The following ZNF614 variants were observed in gnomAD, a reference collection of about 807,000 sequenced individuals.
ZNF614 encodes the protein zinc finger protein 614.
ZNF614 carries 11 observed loss-of-function variants against 12.8 expected under a neutral mutation model. That is an observed-to-expected ratio of 0.86 (90% CI 0.54 to 1.43). The LOEUF is 1.43. ZNF614 is among the 40% of genes most tolerant of loss of function. ZNF614 has a pLI of 0.00. For missense variants in ZNF614, 664 were observed against 708.8 expected (o/e 0.94, Z 0.72); for synonymous variants, 237 against 237.5 (o/e 1.00, Z 0.02).
intron 3 of ZNF614, 109 bp from the exon 4 acceptor site, chr19:52,018,212 TC>T: frequency 1.4e-6 from 2 of 1,456,000 alleles, no homozygotes; most frequent in Non-Finnish European, 1.9e-6. Context: ...AAGCATTCTG[TC>T]TTAGAAGAGA....
intron 2 of ZNF614, among the ~76,000 whole-genome samples, chr19:52,023,148 C>A (rs1600038699): frequency 6.8e-6 from 1 of 146,444 alleles, no homozygotes. Flanking sequence ...GACTCTGTCT[C>A]AAAACAATAA....
In ZNF614 at chr19:52,016,614, G is replaced by T; in HGVS notation, c.984C>A (p.Ser328Arg). 1 of 1,614,166 alleles carries T rather than the reference G, an allele frequency of 6.2e-7. No individual in the cohort carries two copies. The highest frequency in any genetic ancestry group is 1.3e-5 in the African/African-American group (1 of 75,032). Residue 328 changes from serine to arginine, a missense_variant, in exon 5 of 5, where the codon AGC becomes AGA. Transcript: ENST00000270649. ...KECGKGFTVK[S>R]NLIVHQRTHT... ...GAGTTCGCTGATGTACAATGAGATT[G>T]CTCTTCACAGTGAAACCTTTTCCAC...
At position 52,018,376 on chromosome 19, in the gene ZNF614, A is replaced by G; in HGVS notation, c.134T>C (p.Val45Ala). The G allele has an allele frequency of 1.2e-6, 2 of 1,614,110 alleles. No homozygotes were observed. Among genetic ancestry groups the G allele is most frequent in the Non-Finnish European group, 1.7e-6 (2 of 1,180,010 alleles). ...DVMVENYNHL[V>A]SLGYQTSKPD... Reference sequence around the variant, plus strand: ...AGGGAAACTATTCTTACCCAGTGATACTAGGTGGTTATAGTTCTCCACCAT... The same window carrying G: ...AGGGAAACTATTCTTACCCAGTGATGCTAGGTGGTTATAGTTCTCCACCAT... The change falls in exon 3 of 5, where the codon GTA (valine) becomes GCA (alanine). Residue 45 changes from valine (V) to alanine (A), a missense_variant. Val to Ala is a moderately conservative substitution (Grantham distance 64, BLOSUM62 0). Coordinates refer to ENST00000270649, the MANE Select transcript of ZNF614 (RefSeq NM_025040.4).
At chr19:52,019,765 G>A (rs925522721) in intron 2 of ZNF614, among the ~76,000 whole-genome samples, 1 of 152,144 alleles carries the variant, frequency 6.6e-6, no homozygotes, top group African/African-American at 2.4e-5. Context: ...TGATATCAAG[G>A]ACCTGTTTGT....
intron 2 of ZNF614, among the ~76,000 whole-genome samples, chr19:52,019,200 G>A (rs2086919446): frequency 6.6e-6 from 1 of 151,982 alleles, no homozygotes; most frequent in Non-Finnish European, 1.5e-5. Flanking sequence ...TGTATTAATG[G>A]ACAGATTAAC....
chr19:52,019,427 A>T (rs1443210718), intron 2 of ZNF614, among the ~76,000 whole-genome samples: 1 of 152,204 alleles, frequency 6.6e-6, no homozygotes. Flanking sequence ...CAAAACCTAA[A>T]ATATTTCAGA....
intron 3 of ZNF614, 123 bp from the exon 4 acceptor site, chr19:52,018,226 ATAC>A: frequency 6.8e-7 from 1 of 1,460,990 alleles, no homozygotes; most frequent in South Asian, 1.2e-5. Flanking sequence ...AGAAGAGATT[ATAC>A]CACTTTGGGG....
rs1245272197 is a variant in ZNF614 at position 52,016,585 on chromosome 19, G to T, written c.1013C>A (p.Thr338Lys). Residue 338 changes from threonine (T) to lysine (K), a missense_variant, in exon 5 of 5, where the codon ACA becomes AAA. Thr to Lys is a moderately conservative substitution (Grantham distance 78). Coordinates refer to ENST00000270649, the MANE Select transcript of ZNF614 (RefSeq NM_025040.4). ...SNLIVHQRTHTGEKPYICSEC... is the reference protein window; with the variant it reads ...SNLIVHQRTHKGEKPYICSEC... ...ACTGCATATATAGGGTTTCTCCCCT[G>T]TATGAGTTCGCTGATGTACAATGAG... The T allele has an allele frequency of 6.2e-7, 1 of 1,614,182 alleles. No individual in the cohort carries two copies. Among genetic ancestry groups the T allele is most frequent in the South Asian group, 1.1e-5 (1 of 91,082 alleles).
At position 52,015,481 on chromosome 19, in the gene ZNF614, A is replaced by G. The variant is rs2086890456; in HGVS notation, c.*359T>C. The G allele has an allele frequency of 6.0e-6, 1 of 167,530 alleles. No individual in the cohort carries two copies. Among genetic ancestry groups the G allele is most frequent in the Non-Finnish European group, 1.3e-5 (1 of 77,860 alleles). The allele number at this position is 167,530 out of a possible 1,614,324, so 10.4% of individuals were successfully genotyped here. A position where few individuals can be genotyped will look rare whatever the true frequency, so the allele number is the denominator to read the frequency against. On this transcript the variant is annotated 3_prime_UTR_variant, in exon 5 of 5. Transcript: ENST00000270649. ...CTGATAATAAAGTCTATCTTTCCAC[A>G]GAAGACTTTTCTTAGTCTTTGTATT...
intron 2 of ZNF614, 55 bp from the exon 3 acceptor site, chr19:52,018,549 A>T: frequency 6.6e-7 from 1 of 1,517,112 alleles, no homozygotes; most frequent in Non-Finnish European, 8.9e-7. Context: ...TTAATATAGA[A>T]GTATAAGATA....
intron 2 of ZNF614, 120 bp from the exon 3 acceptor site, chr19:52,018,614 A>C: frequency 9.0e-7 from 1 of 1,116,130 alleles, no homozygotes; most frequent in South Asian, 1.8e-5. Flanking sequence ...TCTCAAATAT[A>C]CTTTGGTAGG....
chr19:52,025,629 T>C lies in ZNF614; in HGVS notation c.15+102A>G, dbSNP rs113615758. The C allele has an allele frequency of 9.3e-5, 125 of 1,345,916 alleles. 2 individuals carry two copies. In the African/African-American group the frequency reaches 1.4e-3, roughly 15 times the overall value. 83.4% of individuals were successfully genotyped at this position (1,345,916 alleles called of 1,614,324 possible). ...TACTCCCAAAAGCAATGTAAGTTAA[T>C]TTCTCCCTAGAACACAATTATCCCA... On this transcript the variant is annotated intron_variant, in intron 2 of 4. Coordinates refer to ENST00000270649, the MANE Select transcript of ZNF614 (RefSeq NM_025040.4).
chr19:52,024,066 A>G (rs2086952975), intron 2 of ZNF614, among the ~76,000 whole-genome samples: 1 of 152,230 alleles, frequency 6.6e-6, no homozygotes, highest in African/African-American at 2.4e-5. Context: ...AACATAGGGT[A>G]GTCCTGGGAG....
rs750328178 is a variant in ZNF614 at position 52,018,459 on chromosome 19, G to A, written c.51C>T (p.Phe17=). 6.2e-7 allele frequency: 1 copy of A among 1,614,074 alleles called. No homozygotes were observed. The highest frequency in any genetic ancestry group is 1.1e-5 in the South Asian group (1 of 91,076). Residue 17 remains phenylalanine, a synonymous_variant, in exon 3 of 5, where the codon TTC becomes TTT. Coordinates refer to ENST00000270649, the MANE Select transcript of ZNF614 (RefSeq NM_025040.4). ...CCAGGAGCTGCCACTCCTCCCAGCT[G>A]AATTCCACAGCCACATCCTCCAGGG... is the stretch of plus-strand genomic sequence containing the variant. ...SLTLEDVAVE[F]SWEEWQLLDT...
rs368927052 is a variant in ZNF614 at position 52,016,532 on chromosome 19, G to A, written c.1066C>T (p.Arg356Cys). The change falls in exon 5 of 5, where the codon CGC becomes TGC. Residue 356 changes from arginine (R) to cysteine (C), a missense_variant. Transcript: ENST00000270649. ...GTTCGCTGATGTACAACAAGATAGCGCTTCATGGTGAAGCCTTTTCCACAT... is the reference window on the plus strand; with the variant it reads ...GTTCGCTGATGTACAACAAGATAGCACTTCATGGTGAAGCCTTTTCCACAT... ...SECGKGFTMK[R>C]YLVVHQRTHT... 6.2e-6 allele frequency: 10 copies of A among 1,613,484 alleles called. No homozygotes were observed. Among genetic ancestry groups the A allele is most frequent in the South Asian group, 2.2e-5 (2 of 91,024 alleles).
In ZNF614 at chr19:52,018,102, C is replaced by T. The variant is rs751142271; in HGVS notation, c.144G>A (p.Gly48=). Residue 48 remains glycine (G), a splice_region_variant and synonymous_variant, in exon 4 of 5, where the codon GGG becomes GGA. Transcript: ENST00000270649. ...GTACATCTGGTTTGCTAGTTTGATA[C>T]CCTGTTCATGAGGAAAGACAAACAC... is the stretch of plus-strand genomic sequence containing the variant. The part of the protein sequence containing the change: ...VENYNHLVSL[G]YQTSKPDVLS... 4.5e-5 allele frequency: 72 copies of T among 1,613,358 alleles called. No individual in the cohort carries two copies. The highest frequency in any genetic ancestry group is 6.0e-5 in the Non-Finnish European group (71 of 1,179,570).
At chr19:52,021,738 GA>G (rs796478082) in intron 2 of ZNF614, among the ~76,000 whole-genome samples, 2,907 of 124,458 alleles carry the variant, frequency 0.023, 79 homozygotes, top group African/African-American at 0.073. Flanking sequence ...CTCAAATAAA[GA>G]AAAAAAAAAA....
At chr19:52,025,121 T>C (rs1369786499) in intron 2 of ZNF614, among the ~76,000 whole-genome samples, 1 of 152,044 alleles carries the variant, frequency 6.6e-6, no homozygotes, top group Non-Finnish European at 1.5e-5. Flanking sequence ...AATAAATAAA[T>C]AAATAAATTA....
chr19:52,014,590 A>T lies in ZNF614; in HGVS notation c.*1250T>A, dbSNP rs913950962. On this transcript the variant is annotated 3_prime_UTR_variant, in exon 5 of 5. Transcript: ENST00000270649. Reference sequence around the variant, plus strand: ...TGAACACTCAAATGAAGAGGTACATAGAGTAAAGCCTAAAAAGGGTTCTCC... The same window carrying T: ...TGAACACTCAAATGAAGAGGTACATTGAGTAAAGCCTAAAAAGGGTTCTCC... 6.6e-6 allele frequency: 1 copy of T among 152,344 alleles called. No individual in the cohort carries two copies. Among genetic ancestry groups the T allele is most frequent in the Non-Finnish European group, 1.5e-5 (1 of 68,028 alleles). 9.4% of individuals were successfully genotyped at this position (152,344 alleles called of 1,614,324 possible).
Sources: allele counts gnomAD v4.1 joint callset (sites outside exome capture counted in the v4.1 genomes callset), GRCh38; gene constraint gnomAD v4.1.1; transcripts MANE v1.5; gene names NCBI Gene and HGNC (gene_info 2026-07-23, HGNC 2026-07-21).